Variants in CHLSN observed in about 807,000 individuals in gnomAD.
The protein encoded by CHLSN is cholesin, also known as protein cholesin.
At chr7:1,089,406 G>C in the CHLSN span, among the ~76,000 whole-genome samples, 3 of 138,738 alleles carry the variant, frequency 2.2e-5, no homozygotes, top group Middle Eastern at 7.2e-3. Context: ...GCTCAGGCTC[G>C]AGTGCAGTGG....
At chr7:1,028,763 T>A in the CHLSN span, 1 of 555,888 alleles carries the variant, frequency 1.8e-6, no homozygotes, top group Non-Finnish European at 2.2e-6. Flanking sequence ...TCTGTCCCCA[T>A]CTCCCCTAGT....
At chr7:1,029,644 A>C in the CHLSN span, among the ~76,000 whole-genome samples, 4 of 152,178 alleles carry the variant, frequency 2.6e-5, no homozygotes, top group African/African-American at 9.7e-5. Context: ...GGCCGGTTCC[A>C]GGGCGAGGAG....
At chr7:1,087,832 G>T in the CHLSN span, among the ~76,000 whole-genome samples, 1 of 152,204 alleles carries the variant, frequency 6.6e-6, no homozygotes, top group South Asian at 2.1e-4. Context: ...AACCCAGGAG[G>T]ACAGGTTATT....
the CHLSN span, chr7:997,798 C>G: frequency 6.2e-7 from 1 of 1,603,440 alleles, no homozygotes; most frequent in East Asian, 2.3e-5. Flanking sequence ...AAGTGCTCAT[C>G]GGGAACCTGG....
chr7:1,110,539 C>CGTG, the CHLSN span, among the ~76,000 whole-genome samples: 1 of 152,216 alleles, frequency 6.6e-6, no homozygotes, highest in Non-Finnish European at 1.5e-5. Flanking sequence ...CCATGGCTCC[C>CGTG]GTGGGGCAGA....
the CHLSN span, among the ~76,000 whole-genome samples, chr7:1,039,069 G>GC: frequency 1.3e-5 from 1 of 76,910 alleles, no homozygotes; most frequent in Non-Finnish European, 2.7e-5. Flanking sequence ...GGGGGGGTCA[G>GC]CCCCCCTGCC....
the CHLSN span, among the ~76,000 whole-genome samples, chr7:1,019,427 T>C: frequency 6.6e-6 from 1 of 152,216 alleles, no homozygotes; most frequent in Admixed American, 6.5e-5. Flanking sequence ...GGGCAGCTGC[T>C]GCTCTGGGCC....
the CHLSN span, among the ~76,000 whole-genome samples, chr7:1,007,113 T>C: frequency 6.6e-6 from 1 of 151,886 alleles, no homozygotes; most frequent in African/African-American, 2.4e-5. Flanking sequence ...CAGGGCATCC[T>C]GGAATGGGTG....
At chr7:1,065,097 A>T in the CHLSN span, among the ~76,000 whole-genome samples, 2 of 152,288 alleles carry the variant, frequency 1.3e-5, no homozygotes, top group African/African-American at 4.8e-5. Flanking sequence ...GGGCAGGAGG[A>T]AACATGGCCC....
chr7:1,031,396 G>T, the CHLSN span, among the ~76,000 whole-genome samples: 3 of 90,694 alleles, frequency 3.3e-5, no homozygotes, highest in Non-Finnish European at 6.9e-5. Flanking sequence ...TGGTCCGGGG[G>T]GGCAGAGACC....
chr7:1,065,387 A>G, the CHLSN span, among the ~76,000 whole-genome samples: 2 of 152,272 alleles, frequency 1.3e-5, no homozygotes, highest in Non-Finnish European at 2.9e-5. Context: ...AGCTTTGCTC[A>G]TAAGAGCCCA....
chr7:1,076,786 G>A, the CHLSN span, among the ~76,000 whole-genome samples: 4 of 152,248 alleles, frequency 2.6e-5, no homozygotes, highest in Non-Finnish European at 5.9e-5. Context: ...AAAGCCGGGG[G>A]AGGAGAGCAT....
At chr7:985,137 G>A in the CHLSN span, 4 of 1,602,366 alleles carry the variant, frequency 2.5e-6, no homozygotes, top group Middle Eastern at 1.7e-4. Context: ...CCCGGGCCTG[G>A]ACGTGCCTGA....
chr7:1,049,584 T>C, the CHLSN span, among the ~76,000 whole-genome samples: 1 of 152,176 alleles, frequency 6.6e-6, no homozygotes, highest in South Asian at 2.1e-4. Flanking sequence ...AGGGAGTTTC[T>C]TACAGCGCTT....
At chr7:990,785 A>G in the CHLSN span, among the ~76,000 whole-genome samples, 1 of 152,088 alleles carries the variant, frequency 6.6e-6, no homozygotes. Flanking sequence ...TGAAGGGCAG[A>G]AAGAACGGGG....
chr7:1,020,958 A>AGCAGGGCCTCCAGGCTGGGGACCTCCCG, the CHLSN span, among the ~76,000 whole-genome samples: 5 of 152,098 alleles, frequency 3.3e-5, no homozygotes, highest in Admixed American at 3.3e-4. Flanking sequence ...GGGACCTCCC[A>AGCAGGGCCTCCAGGCTGGGGACCTCCCG]GCAGGGCCTC....
the CHLSN span, among the ~76,000 whole-genome samples, chr7:1,072,249 C>T: frequency 1.3e-5 from 2 of 152,344 alleles, no homozygotes; most frequent in Non-Finnish European, 2.9e-5. Flanking sequence ...CCTCTGCTGC[C>T]CTTCTTCTCT....
the CHLSN span, among the ~76,000 whole-genome samples, chr7:1,004,825 G>A: frequency 6.6e-5 from 10 of 152,210 alleles, no homozygotes; most frequent in Non-Finnish European, 1.3e-4. Flanking sequence ...CTTGGAAAAG[G>A]AAAGAGAGCA....
chr7:1,065,222 G>A, the CHLSN span, among the ~76,000 whole-genome samples: 2 of 152,162 alleles, frequency 1.3e-5, no homozygotes, highest in African/African-American at 4.8e-5. Context: ...GTGCAGCTGA[G>A]GTGGTGGGAG....
Sources: allele counts gnomAD v4.1 joint callset (sites outside exome capture counted in the v4.1 genomes callset), GRCh38; gene constraint gnomAD v4.1.1; transcripts MANE v1.5; gene names NCBI Gene and HGNC (gene_info 2026-07-23, HGNC 2026-07-21).